Variants in ZNF618 observed in about 807,000 individuals in gnomAD.
ZNF618 encodes zinc finger protein 618.
ZNF618 carries 34 observed loss-of-function variants against 103.0 expected under a neutral mutation model. The ratio of observed to expected loss-of-function variants is 0.33; its 90% CI spans 0.25 to 0.44. The LOEUF (loss-of-function observed/expected upper bound fraction) is 0.44, where lower values mean the gene tolerates loss of function less well. Among genes scored for constraint, ZNF618 ranks in the 20% least tolerant of loss-of-function variants. The probability of loss-of-function intolerance (pLI) is 1.00; values close to 1 mark genes in which losing one functional copy is unlikely to be tolerated. For synonymous variants in ZNF618, 551 were observed against 542.2 expected, an observed-to-expected ratio of 1.02 and a Z score of -0.23; for missense variants, 1,059 against 1,295.4, an observed-to-expected ratio of 0.82 and a Z score of 2.80.
intron 10 of ZNF618, among the ~76,000 whole-genome samples, chr9:114,026,337 A>G (rs1037896244): frequency 2.6e-5 from 4 of 152,232 alleles, no homozygotes; most frequent in Admixed American, 2.6e-4. Flanking sequence ...CCTCAGGCCT[A>G]TGATACCATG....
intron 1 of ZNF618, among the ~76,000 whole-genome samples, chr9:113,882,073 C>A (rs1342273456): frequency 1.3e-5 from 2 of 152,094 alleles, no homozygotes; most frequent in African/African-American, 2.4e-5. Flanking sequence ...GGGCTGGGGT[C>A]TGAGGAGAGG....
intron 1 of ZNF618, among the ~76,000 whole-genome samples, chr9:113,963,173 C>A (rs962172794): frequency 3.9e-5 from 6 of 152,204 alleles, no homozygotes; most frequent in Non-Finnish European, 8.8e-5. Context: ...CTGGGCAGGT[C>A]CTGGGTTGGT....
intron 2 of ZNF618, among the ~76,000 whole-genome samples, chr9:113,987,728 T>C (rs761652909): frequency 6.6e-6 from 1 of 152,192 alleles, no homozygotes; most frequent in South Asian, 2.1e-4. Context: ...CATGGTGGCA[T>C]GGTGCCTGGA....
At chr9:113,891,768 G>C (rs1338728503) in intron 1 of ZNF618, among the ~76,000 whole-genome samples, 1 of 152,136 alleles carries the variant, frequency 6.6e-6, no homozygotes, top group Non-Finnish European at 1.5e-5. Context: ...TCATTTTTAA[G>C]GCTGAAGAAT....
chr9:113,953,710 C>G (rs1047284862), intron 1 of ZNF618, among the ~76,000 whole-genome samples: 3 of 152,046 alleles, frequency 2.0e-5, no homozygotes. Context: ...TTATTCCTGC[C>G]TCACTCCAGA....
In ZNF618 at chr9:114,049,599, G is replaced by A. The variant is rs1845968294; in HGVS notation, c.2297G>A (p.Arg766Lys). 1 of 1,613,746 alleles carries A rather than the reference G, an allele frequency of 6.2e-7. No individual in the cohort carries two copies. Among genetic ancestry groups the A allele is most frequent in the South Asian group, 1.1e-5 (1 of 91,094 alleles). ...CAGCTGGTGCTGCCCACCTACGTCAGGCTGGAGAAGCTGTTCACGGCCAAG... is the reference window on the plus strand; with the variant it reads ...CAGCTGGTGCTGCCCACCTACGTCAAGCTGGAGAAGCTGTTCACGGCCAAG... ...TLQLVLPTYVRLEKLFTAKAN... is the reference protein window; with the variant it reads ...TLQLVLPTYVKLEKLFTAKAN... Residue 766 changes from arginine to lysine, a missense_variant, in exon 15 of 15, where the codon AGG (arginine) becomes AAG (lysine). Transcript: ENST00000374126.
intron 1 of ZNF618, among the ~76,000 whole-genome samples, chr9:113,968,283 G>C (rs1243025577): frequency 6.6e-6 from 1 of 152,150 alleles, no homozygotes; most frequent in Non-Finnish European, 1.5e-5. Flanking sequence ...GACATAGGGC[G>C]GTACATTACC....
intron 1 of ZNF618, among the ~76,000 whole-genome samples, chr9:113,959,167 T>C (rs1404845199): frequency 1.3e-5 from 2 of 151,966 alleles, no homozygotes; most frequent in Non-Finnish European, 2.9e-5. Context: ...CGCATGCCTG[T>C]AATCCAAGCT....
At chr9:113,907,680 A>G (rs1831110395) in intron 1 of ZNF618, among the ~76,000 whole-genome samples, 1 of 152,148 alleles carries the variant, frequency 6.6e-6, no homozygotes. Context: ...CCCTGGGGCC[A>G]CCTGTAGACT....
Position 113,965,741 on chromosome 9 carries a change from C to A in ZNF618, c.34-3376C>A, listed in dbSNP as rs141984745. Among the ~76,000 whole-genome samples, 92 of 152,166 alleles carry A rather than the reference C, an allele frequency of 6.0e-4. 1 individual carries two copies. The East Asian group carries it at 0.017, about 28-fold the overall frequency. On this transcript the variant is annotated intron_variant, in intron 1 of 14. Transcript: ENST00000374126. ...CTGAGGTTCAAAATGAGACTCAGAG[C>A]CAGGGAAACAAGCTACATCCTTAAG...
chr9:114,042,564 C>G (rs1845298789), intron 13 of ZNF618, among the ~76,000 whole-genome samples: 1 of 152,184 alleles, frequency 6.6e-6, no homozygotes, highest in Non-Finnish European at 1.5e-5. Context: ...TGCAGTGGTT[C>G]ACACCTGTAA....
intron 1 of ZNF618, among the ~76,000 whole-genome samples, chr9:113,934,171 G>A (rs928383582): frequency 1.6e-4 from 25 of 152,254 alleles, no homozygotes; most frequent in African/African-American, 5.3e-4. Flanking sequence ...CCCAACTCAC[G>A]GGCACACGGT....
At chr9:114,006,765 G>A (rs1841790969) in intron 6 of ZNF618, among the ~76,000 whole-genome samples, 1 of 152,180 alleles carries the variant, frequency 6.6e-6, no homozygotes, top group South Asian at 2.1e-4. Context: ...ACTGGGGAAA[G>A]AACTGCTTTT....
intron 1 of ZNF618, among the ~76,000 whole-genome samples, chr9:113,962,420 G>A (rs1036985835): frequency 6.6e-6 from 1 of 152,146 alleles, no homozygotes; most frequent in Non-Finnish European, 1.5e-5. Flanking sequence ...CAACCAGAGT[G>A]ATCTTTCTAA....
At chr9:113,920,704 G>C (rs1832564385) in intron 1 of ZNF618, among the ~76,000 whole-genome samples, 1 of 152,174 alleles carries the variant, frequency 6.6e-6, no homozygotes. Flanking sequence ...GCGAGGCCAA[G>C]AGTCGCAATT....
Position 113,969,157 on chromosome 9 carries a change from G to A in ZNF618, c.74G>A (p.Ser25Asn), listed in dbSNP as rs769578145. 3.4e-5 allele frequency: 55 copies of A among 1,613,856 alleles called. No homozygotes were observed. The highest frequency in any genetic ancestry group is 4.4e-5 in the Non-Finnish European group (52 of 1,179,888). ...GCAGCCGGAAGGAAAAGCACTGCGAGCAGGTACACTCCCTCTCCCGCCCCC... is the reference window on the plus strand; with the variant it reads ...GCAGCCGGAAGGAAAAGCACTGCGAACAGGTACACTCCCTCTCCCGCCCCC... ...ASAAGRKSTASRERLKRSQKS... is the reference protein window; with the variant it reads ...ASAAGRKSTANRERLKRSQKS... The change falls in exon 2 of 15, where the codon AGC (serine) becomes AAC (asparagine). Residue 25 changes from serine to asparagine, a missense_variant. Around this residue, in one of 6 missense-constraint regions of ZNF618, gnomAD observed 194 missense variants for 209.0 expected, o/e 0.93. Coordinates refer to ENST00000374126, the MANE Select transcript of ZNF618 (RefSeq NM_001318042.2).
intron 13 of ZNF618, among the ~76,000 whole-genome samples, chr9:114,040,308 G>A (rs1845031712): frequency 6.6e-6 from 1 of 150,476 alleles, no homozygotes; most frequent in Admixed American, 6.6e-5. Context: ...CTGTAGTAGA[G>A]AAAGTAAGAA....
At chr9:113,964,251 G>A (rs1017570910) in intron 1 of ZNF618, among the ~76,000 whole-genome samples, 2 of 152,090 alleles carry the variant, frequency 1.3e-5, no homozygotes, top group Non-Finnish European at 2.9e-5. Flanking sequence ...TTCTCTTATC[G>A]AAGAAAGGCA....
intron 2 of ZNF618, 109 bp from the exon 3 acceptor site, chr9:113,988,212 A>G (rs1588248104): frequency 1.4e-6 from 2 of 1,412,906 alleles, no homozygotes; most frequent in African/African-American, 1.4e-5. Flanking sequence ...CGGGGGCCCT[A>G]GAATTCACTA....
Sources: gnomAD v4.1 joint callset for allele counts (sites outside exome capture counted in the v4.1 genomes callset) on GRCh38, gnomAD v4.1.1 for gene constraint, gnomAD v4.1.1 regional missense constraint, MANE v1.5 for transcripts, NCBI Gene and HGNC (gene_info 2026-07-23, HGNC 2026-07-21) for gene names.